DPP10: variants seen among roughly 807,000 people sequenced by gnomAD.
DPP10 encodes the protein dipeptidyl peptidase like 10.
In DPP10, 33 loss-of-function variants were observed where a neutral mutation model predicts 120.9. That is an observed-to-expected ratio of 0.27 (90% confidence interval 0.21 to 0.37). The LOEUF (loss-of-function observed/expected upper bound fraction) is 0.37, where lower values mean the gene tolerates loss of function less well. Among genes scored for constraint, DPP10 ranks in the 10% least tolerant of loss-of-function variants. The pLI is 1.00. For missense variants in DPP10, 816 were observed against 942.8 expected (o/e 0.87, Z 1.76); for synonymous variants, 337 against 326.1 (o/e 1.03, Z -0.36).
intron 13 of DPP10, among the ~76,000 whole-genome samples, chr2:115,769,820 A>G (rs567087973): frequency 9.9e-5 from 15 of 152,188 alleles, no homozygotes; most frequent in African/African-American, 3.6e-4. Flanking sequence ...TTGCTAATTA[A>G]GAGTCAACTT....
At chr2:115,399,769 A>G (rs960691750) in intron 3 of DPP10, among the ~76,000 whole-genome samples, 1 of 152,190 alleles carries the variant, frequency 6.6e-6, no homozygotes, top group African/African-American at 2.4e-5. Flanking sequence ...AAAAATTCTG[A>G]TGGTTCTCTT....
chr2:115,079,023 C>T (rs1355661163), intron 1 of DPP10, among the ~76,000 whole-genome samples: 1 of 152,164 alleles, frequency 6.6e-6, no homozygotes, highest in East Asian at 1.9e-4. Flanking sequence ...AACATTCACA[C>T]ACAGACACAC....
At chr2:115,503,699 A>C (rs142498014) in intron 4 of DPP10, among the ~76,000 whole-genome samples, 2 of 152,264 alleles carry the variant, frequency 1.3e-5, no homozygotes, top group African/African-American at 4.8e-5. Context: ...TAATCAGTGA[A>C]GCTGTGCATA....
In DPP10 at chr2:115,217,543, A is replaced by T. The variant is rs150019121; in HGVS notation, c.61-91696A>T. Among the ~76,000 whole-genome samples, 76 of 152,308 alleles carry T rather than the reference A, an allele frequency of 5.0e-4. No homozygotes were observed. The East Asian group carries it at 0.014, about 28-fold the overall frequency. On this transcript the variant is annotated intron_variant, in intron 1 of 25. Transcript: ENST00000410059. ...CTAGCACATGTCAGAAACATAGTAG[A>T]TATTTAATTAATTTAGGGTGAATAA...
intron 1 of DPP10, among the ~76,000 whole-genome samples, chr2:115,086,419 T>C (rs994497203): frequency 2.6e-5 from 4 of 151,798 alleles, no homozygotes; most frequent in African/African-American, 4.8e-5. Flanking sequence ...CTTAGAGAGT[T>C]GTCCTGCCTT....
chr2:115,456,734 C>G (rs979226865), intron 3 of DPP10, among the ~76,000 whole-genome samples: 3 of 152,138 alleles, frequency 2.0e-5, no homozygotes, highest in Admixed American at 2.0e-4. Flanking sequence ...ACCACATGCT[C>G]TCACTCATAA....
intron 1 of DPP10, among the ~76,000 whole-genome samples, chr2:114,881,449 G>GTCTATCTA (rs1691601173): frequency 5.1e-5 from 4 of 79,148 alleles, no homozygotes; most frequent in Admixed American, 5.0e-4. Context: ...CTATCTGTCT[G>GTCTATCTA]TCTGTCTGTC....
At chr2:115,096,271 A>T (rs1709736077) in intron 1 of DPP10, among the ~76,000 whole-genome samples, 1 of 152,156 alleles carries the variant, frequency 6.6e-6, no homozygotes, top group Admixed American at 6.6e-5. Flanking sequence ...ACAAAGCTTT[A>T]TTTTCAAAAA....
chr2:114,836,281 T>C (rs1193200673), intron 1 of DPP10, among the ~76,000 whole-genome samples: 1 of 152,178 alleles, frequency 6.6e-6, no homozygotes, highest in Non-Finnish European at 1.5e-5. Context: ...TTCAGCCAGA[T>C]ATCGGGCAAA....
chr2:115,301,178 C>T (rs548173857), intron 1 of DPP10, among the ~76,000 whole-genome samples: 3 of 152,052 alleles, frequency 2.0e-5, no homozygotes, highest in South Asian at 2.1e-4. Context: ...CCTGCTTCTT[C>T]GTGAAATCTT....
intron 1 of DPP10, among the ~76,000 whole-genome samples, chr2:114,748,338 C>CTTTTTTTT (rs1255227047): frequency 5.7e-5 from 4 of 70,306 alleles, no homozygotes; most frequent in African/African-American, 1.3e-4. Context: ...AGGGAATTTT[C>CTTTTTTTT]TTTTTTTTTT....
At chr2:115,534,086 C>G (rs1420097614) in intron 5 of DPP10, among the ~76,000 whole-genome samples, 1 of 147,820 alleles carries the variant, frequency 6.8e-6, no homozygotes, top group Non-Finnish European at 1.5e-5. Context: ...AAACAACACA[C>G]TTTTATTTAT....
intron 4 of DPP10, among the ~76,000 whole-genome samples, chr2:115,507,867 G>A (rs893168218): frequency 6.6e-6 from 1 of 152,140 alleles, no homozygotes; most frequent in Non-Finnish European, 1.5e-5. Context: ...GATGCAGGGT[G>A]TGAACTATGT....
intron 3 of DPP10, among the ~76,000 whole-genome samples, chr2:115,445,805 G>A (rs553997457): frequency 1.7e-4 from 26 of 152,312 alleles, no homozygotes; most frequent in African/African-American, 4.3e-4. Context: ...TGTTAATAGC[G>A]AAGACAATGA....
intron 3 of DPP10, among the ~76,000 whole-genome samples, chr2:115,442,382 T>G (rs2072156904): frequency 6.9e-6 from 1 of 143,892 alleles, no homozygotes; most frequent in African/African-American, 2.9e-5. Context: ...TGTGTGTGTG[T>G]GTGTGCGTGT....
At chr2:114,909,738 T>C (rs1694224869) in intron 1 of DPP10, among the ~76,000 whole-genome samples, 2 of 152,058 alleles carry the variant, frequency 1.3e-5, no homozygotes, top group Non-Finnish European at 2.9e-5. Flanking sequence ...TGTTTAAAGT[T>C]GTTCTGAGTT....
At chr2:115,735,794 A>G (rs921536963) in intron 8 of DPP10, among the ~76,000 whole-genome samples, 7 of 149,552 alleles carry the variant, frequency 4.7e-5, no homozygotes, top group Admixed American at 2.0e-4. Context: ...CGGCCTCCCA[A>G]AGTGTTGTGA....
chr2:114,793,780 T>C (rs1162683951), intron 1 of DPP10, among the ~76,000 whole-genome samples: 1 of 152,208 alleles, frequency 6.6e-6, no homozygotes, highest in East Asian at 1.9e-4. Context: ...ATCCATTTCT[T>C]ATACCATGTT....
intron 3 of DPP10, among the ~76,000 whole-genome samples, chr2:115,414,866 A>G (rs993162886): frequency 2.6e-5 from 4 of 151,618 alleles, no homozygotes; most frequent in Non-Finnish European, 5.9e-5. Context: ...AAGATGGTAT[A>G]CTATCTCCAG....
Sources: allele counts gnomAD v4.1 joint callset (sites outside exome capture counted in the v4.1 genomes callset), GRCh38; gene constraint gnomAD v4.1.1; transcripts MANE v1.5; gene names NCBI Gene and HGNC (gene_info 2026-07-23, HGNC 2026-07-21).